Variants in NBAS observed in about 807,000 individuals in gnomAD.
The protein encoded by NBAS is NBAS subunit of NRZ tethering complex, also known as NAG/BC035112 fusion.
NBAS carries 219 observed loss-of-function variants against 302.5 expected under a neutral mutation model. The ratio of observed to expected loss-of-function variants is 0.72; its 90% CI spans 0.65 to 0.81. NBAS has a LOEUF of 0.81. Ranked by LOEUF, NBAS falls within the 30% of genes least tolerant of loss-of-function variation. NBAS has a pLI of 0.00. For synonymous variants in NBAS, 1,118 were observed against 1,021.6 expected (o/e 1.09, Z -1.80); for missense variants, 2,932 against 2,841.6 (o/e 1.03, Z -0.72).
intron 10 of NBAS, among the ~76,000 whole-genome samples, chr2:15,510,482 G>A (rs1481706376): frequency 6.6e-6 from 1 of 152,094 alleles, no homozygotes; most frequent in African/African-American, 2.4e-5. Flanking sequence ...AAAACAAGCT[G>A]CCCAGGAGAG....
intron 12 of NBAS, among the ~76,000 whole-genome samples, chr2:15,483,935 G>A (rs144360941): frequency 6.6e-6 from 1 of 152,104 alleles, no homozygotes; most frequent in Admixed American, 6.5e-5. Flanking sequence ...AAACTAATCG[G>A]TTTGTCTACT....
chr2:15,085,102 A>G, the NBAS span, among the ~76,000 whole-genome samples: 4 of 152,192 alleles, frequency 2.6e-5, no homozygotes, highest in Non-Finnish European at 1.5e-5. Flanking sequence ...AGGAAGCAAT[A>G]CAGCGGAGGA....
At chr2:15,187,002 G>T in intron 49 of NBAS, 122 bp from the exon 50 acceptor site, 1 of 1,381,488 alleles carries the variant, frequency 7.2e-7, no homozygotes, top group Non-Finnish European at 1.0e-6. Context: ...GTGACGTGCT[G>T]CTTCAAGTCA....
At chr2:15,439,306 A>T (rs934542119) in intron 21 of NBAS, among the ~76,000 whole-genome samples, 5 of 121,686 alleles carry the variant, frequency 4.1e-5, no homozygotes, top group Admixed American at 1.6e-4. Flanking sequence ...GGTCTCAAAT[A>T]AAAAAAAAAA....
the NBAS span, among the ~76,000 whole-genome samples, chr2:14,964,693 C>T: frequency 2.6e-5 from 4 of 151,892 alleles, no homozygotes; most frequent in Admixed American, 1.3e-4. Flanking sequence ...AAAATAACAC[C>T]ACACAACCTG....
the NBAS span, among the ~76,000 whole-genome samples, chr2:15,037,837 TC>T: frequency 6.6e-6 from 1 of 152,062 alleles, no homozygotes; most frequent in East Asian, 1.9e-4. Context: ...ATTCAGTCTT[TC>T]TTCTAGCATG....
the NBAS span, among the ~76,000 whole-genome samples, chr2:15,010,852 C>T: frequency 6.6e-6 from 1 of 152,168 alleles, no homozygotes; most frequent in Admixed American, 6.5e-5. Context: ...CCACTTTCCA[C>T]GTGCAGATTC....
chr2:14,930,628 T>C, the NBAS span, among the ~76,000 whole-genome samples: 1 of 152,232 alleles, frequency 6.6e-6, no homozygotes, highest in Non-Finnish European at 1.5e-5. Flanking sequence ...TGCTACCAGA[T>C]GCCCATATGT....
At position 15,383,216 on chromosome 2, in the gene NBAS, T is replaced by C. The variant is rs776641101; in HGVS notation, c.3359A>G (p.Glu1120Gly). The C allele has an allele frequency of 6.2e-7, 1 of 1,612,180 alleles. No homozygotes were observed. The highest frequency in any genetic ancestry group is 8.5e-7 in the Non-Finnish European group (1 of 1,178,334). Reference sequence around the variant, plus strand: ...AATCGTATATGGTTCTAGAGTTACCTCATAGCAGGCATCAGAATCTAGACA... The same window carrying C: ...AATCGTATATGGTTCTAGAGTTACCCCATAGCAGGCATCAGAATCTAGACA... ...YTCLDSDACY[E>G]IFTESLLCSS... Residue 1120 changes from glutamate to glycine, a missense_variant and splice_region_variant, in exon 29 of 52, where the codon GAG becomes GGG. By Grantham distance (98) the Glu-to-Gly change is moderately conservative. Transcript: ENST00000281513.
chr2:15,001,776 C>T, the NBAS span, among the ~76,000 whole-genome samples: 56,544 of 151,360 alleles, frequency 0.37, 11,268 homozygotes, highest in Non-Finnish European at 0.42. Flanking sequence ...TTCTGGTGGG[C>T]TTGTGGTCTC....
At chr2:15,553,283 T>C (rs1664469369) in intron 5 of NBAS, 143 bp downstream of exon 5, 1 of 735,128 alleles carries the variant, frequency 1.4e-6, no homozygotes, top group African/African-American at 1.8e-5. Flanking sequence ...CTGGCGTAAG[T>C]TGGTGTTTGA....
chr2:15,254,644 C>T (rs1668509677), intron 44 of NBAS, among the ~76,000 whole-genome samples: 1 of 152,172 alleles, frequency 6.6e-6, no homozygotes, highest in African/African-American at 2.4e-5. Flanking sequence ...GTACCCATCA[C>T]TGGAGCAGTG....
At chr2:15,127,708 G>A in the NBAS span, among the ~76,000 whole-genome samples, 6 of 152,184 alleles carry the variant, frequency 3.9e-5, no homozygotes, top group South Asian at 8.3e-4. Flanking sequence ...TTTCCAGACT[G>A]CTTGCTCTTT....
chr2:15,077,111 A>T, the NBAS span, among the ~76,000 whole-genome samples: 1 of 152,242 alleles, frequency 6.6e-6, no homozygotes, highest in Admixed American at 6.5e-5. Flanking sequence ...AAATTGACTC[A>T]CAGTTCCATA....
chr2:15,091,216 A>T, the NBAS span, among the ~76,000 whole-genome samples: 1 of 152,138 alleles, frequency 6.6e-6, no homozygotes, highest in South Asian at 2.1e-4. Context: ...AGTCCAGGCC[A>T]CCTTGTGACA....
the NBAS span, among the ~76,000 whole-genome samples, chr2:15,003,212 C>G: frequency 6.6e-6 from 1 of 152,180 alleles, no homozygotes; most frequent in Non-Finnish European, 1.5e-5. Flanking sequence ...GCTTTTAGGA[C>G]ATGAATGTTG....
chr2:15,091,785 G>A, the NBAS span, among the ~76,000 whole-genome samples: 7 of 152,066 alleles, frequency 4.6e-5, no homozygotes, highest in Admixed American at 2.0e-4. Context: ...TGCCAGCCTC[G>A]GCCTCCCGAA....
the NBAS span, among the ~76,000 whole-genome samples, chr2:14,787,379 T>G: frequency 3.9e-5 from 6 of 152,154 alleles, no homozygotes; most frequent in African/African-American, 7.2e-5. Flanking sequence ...GTTAGCTGCT[T>G]ATTTTGCTCG....
At chr2:15,369,306 A>G (rs985903716) in intron 31 of NBAS, among the ~76,000 whole-genome samples, 76 of 152,260 alleles carry the variant, frequency 5.0e-4, no homozygotes, top group Middle Eastern at 3.4e-3. Context: ...TTCCACCTCA[A>G]TAAACTCAAG....
Sources: allele counts gnomAD v4.1 joint callset (sites outside exome capture counted in the v4.1 genomes callset), GRCh38; gene constraint gnomAD v4.1.1; transcripts MANE v1.5; gene names NCBI Gene and HGNC (gene_info 2026-07-23, HGNC 2026-07-21).